Variants in SHTN1 observed in about 807,000 individuals in gnomAD.
The protein encoded by SHTN1 is shootin 1.
SHTN1 carries 42 observed loss-of-function variants against 83.1 expected under a neutral mutation model. That is an observed-to-expected ratio of 0.51 (90% confidence interval 0.39 to 0.65). SHTN1 has a LOEUF of 0.65. Ranked by LOEUF, SHTN1 falls within the 30% of genes least tolerant of loss-of-function variation. SHTN1 has a pLI of 0.00. For missense variants in SHTN1, 622 were observed against 737.8 expected (o/e 0.84, Z 1.82); for synonymous variants, 224 against 247.7 (o/e 0.90, Z 0.90).
intron 3 of SHTN1, 38 bp from the exon 4 acceptor site, chr10:116,960,268 G>A: frequency 8.6e-7 from 1 of 1,166,518 alleles, no homozygotes; most frequent in Non-Finnish European, 1.3e-6. Context: ...AGCATTCAAA[G>A]ATTAGTCAGC....
intron 2 of SHTN1, among the ~76,000 whole-genome samples, chr10:117,035,726 C>T (rs1312494174): frequency 5.3e-5 from 8 of 151,698 alleles, no homozygotes; most frequent in African/African-American, 1.5e-4. Flanking sequence ...CTGAGGTAGG[C>T]GTCAAGGTCA....
intron 1 of SHTN1, among the ~76,000 whole-genome samples, chr10:117,103,530 C>CTTTTTTTTTTT (rs35229163): frequency 1.3e-5 from 1 of 77,502 alleles, no homozygotes; most frequent in Non-Finnish European, 2.2e-5. Flanking sequence ...CCTCCCCTCT[C>CTTTTTTTTTTT]TTTTTTTTTT....
At chr10:116,897,428 G>A (rs746214899) in intron 16 of SHTN1, among the ~76,000 whole-genome samples, 8 of 152,002 alleles carry the variant, frequency 5.3e-5, no homozygotes, top group Non-Finnish European at 1.0e-4. Flanking sequence ...AAGCTGAAAG[G>A]GACTCTGTAC....
intron 1 of SHTN1, among the ~76,000 whole-genome samples, chr10:117,095,610 T>C (rs1853492473): frequency 6.6e-6 from 1 of 152,218 alleles, no homozygotes; most frequent in Admixed American, 6.5e-5. Context: ...ATGCGTACTA[T>C]TCTCTTCATC....
At chr10:117,086,360 A>G (rs1425399128) in intron 1 of SHTN1, among the ~76,000 whole-genome samples, 4 of 152,232 alleles carry the variant, frequency 2.6e-5, no homozygotes, top group Non-Finnish European at 5.9e-5. Flanking sequence ...TAGATAACAC[A>G]TAGTTGGGGT....
chr10:116,989,053 ATATAAT>A (rs1379739382), intron 1 of SHTN1, among the ~76,000 whole-genome samples: 2 of 152,184 alleles, frequency 1.3e-5, no homozygotes, highest in Admixed American at 1.3e-4. Flanking sequence ...CCAAAAATCC[ATATAAT>A]TATGTCAGTT....
rs939343604 is a variant in SHTN1 at position 117,126,532 on chromosome 10, T to C, written c.-414A>G. The C allele has an allele frequency of 3.0e-3, 167 of 55,330 alleles. 1 individual carries two copies. The highest frequency in any genetic ancestry group is 6.3e-3 in the Admixed American group (35 of 5,580). 3.4% of individuals were successfully genotyped at this position (55,330 alleles called of 1,614,324 possible). ...CCCTCGCCTCGCCTCCTAGCACGCA[T>C]GCCCCTCGCCTCGCCTCCTAGCACG... On this transcript the variant is annotated 5_prime_UTR_variant, in exon 1 of 18. Transcript: ENST00000392901.
intron 2 of SHTN1, among the ~76,000 whole-genome samples, chr10:117,041,070 G>A (rs1305939724): frequency 6.6e-6 from 1 of 151,960 alleles, no homozygotes; most frequent in East Asian, 1.9e-4. Flanking sequence ...TTAACATTAG[G>A]TATATCTCCA....
chr10:117,086,040 C>T (rs149268382), intron 1 of SHTN1, among the ~76,000 whole-genome samples: 1 of 151,684 alleles, frequency 6.6e-6, no homozygotes, highest in Non-Finnish European at 1.5e-5. Flanking sequence ...CCTGCCTCAG[C>T]CTCCTGAGTA....
At chr10:117,107,479 C>T (rs992844509) in intron 1 of SHTN1, among the ~76,000 whole-genome samples, 2 of 152,124 alleles carry the variant, frequency 1.3e-5, no homozygotes, top group Non-Finnish European at 2.9e-5. Context: ...TATCTACCCT[C>T]GCATTGTCAA....
chr10:116,973,833 T>C lies in SHTN1; in HGVS notation c.112-5121A>G, dbSNP rs771434081. On this transcript the variant is annotated intron_variant, in intron 2 of 16. Transcript: ENST00000355371. ...GATTTAAACATGCCCAGCATCAGAA[T>C]TGTGTGTACTTTACCTGTTTACCTG... 14 of 1,244,968 alleles carry C rather than the reference T, an allele frequency of 1.1e-5. 1 individual carries two copies. In the East Asian group the frequency reaches 1.7e-4, roughly 15 times the overall value. The allele number at this position is 1,244,968 out of a possible 1,614,324, so 77.1% of individuals were successfully genotyped here. A position where few individuals can be genotyped will look rare whatever the true frequency, so the allele number is the denominator to read the frequency against.
intron 1 of SHTN1, among the ~76,000 whole-genome samples, chr10:117,083,805 T>C (rs994267188): frequency 6.6e-6 from 1 of 152,196 alleles, no homozygotes; most frequent in Non-Finnish European, 1.5e-5. Context: ...TCATCTTCCA[T>C]TGCTGATACC....
At chr10:117,123,129 A>G (rs562134533) in intron 1 of SHTN1, among the ~76,000 whole-genome samples, 72 of 152,172 alleles carry the variant, frequency 4.7e-4, no homozygotes, top group Middle Eastern at 3.4e-3. Context: ...CAGCCTCCCA[A>G]GTAGTTGGGA....
At chr10:117,063,090 T>C (rs1188509976) in intron 1 of SHTN1, among the ~76,000 whole-genome samples, 2 of 152,214 alleles carry the variant, frequency 1.3e-5, no homozygotes, top group Non-Finnish European at 2.9e-5. Flanking sequence ...TTGCAATCTA[T>C]GGATTCTTTT....
chr10:117,011,505 C>T lies in SHTN1; in HGVS notation c.-122-32197G>A, dbSNP rs77525972. The stretch of plus-strand genomic sequence containing the variant: ...CTCTATTCATAGATGGCAAAATTTC[C>T]TATGTGGAAAATACCAAAGAATTTC... On this transcript the variant is annotated intron_variant, in intron 2 of 17. Transcript: ENST00000392901. Among the ~76,000 whole-genome samples the T allele has an allele frequency of 4.7e-3, 720 of 152,178 alleles. 6 individuals carry two copies. Among genetic ancestry groups the T allele is most frequent in the African/African-American group, 0.017 (692 of 41,506 alleles).
At chr10:117,034,713 TA>T (rs980788017) in intron 2 of SHTN1, among the ~76,000 whole-genome samples, 9 of 149,882 alleles carry the variant, frequency 6.0e-5, no homozygotes, top group African/African-American at 2.2e-4. Flanking sequence ...TTAAGAGAAA[TA>T]AAAAAGTAAT....
chr10:117,085,616 A>G (rs1316911770), intron 1 of SHTN1, among the ~76,000 whole-genome samples: 1 of 152,190 alleles, frequency 6.6e-6, no homozygotes, highest in Non-Finnish European at 1.5e-5. Flanking sequence ...GTATTCTATA[A>G]ATGTCAATTA....
chr10:116,912,240 T>TAGAAAC (rs1248745105), intron 13 of SHTN1, among the ~76,000 whole-genome samples: 1 of 152,184 alleles, frequency 6.6e-6, no homozygotes, highest in Non-Finnish European at 1.5e-5. Flanking sequence ...AAGCAGAGAC[T>TAGAAAC]AGAAACAAGG....
rs140081747 is a variant in SHTN1 at position 116,941,309 on chromosome 10, G to A, written c.712-697C>T. Among the ~76,000 whole-genome samples the A allele has an allele frequency of 5.5e-4, 84 of 152,310 alleles. 2 individuals carry two copies. The East Asian group carries it at 0.013, about 23-fold the overall frequency. On this transcript the variant is annotated intron_variant, in intron 8 of 16. Transcript: ENST00000355371. ...TAGTTTCTCCCTAGTGATAAAAGTAGTTAACAGTAGAAGGGTAAAGGGGAG... is the reference window on the plus strand; with the variant it reads ...TAGTTTCTCCCTAGTGATAAAAGTAATTAACAGTAGAAGGGTAAAGGGGAG...
Sources: allele counts gnomAD v4.1 joint callset (sites outside exome capture counted in the v4.1 genomes callset), GRCh38; gene constraint gnomAD v4.1.1; transcripts MANE v1.5; gene names NCBI Gene and HGNC (gene_info 2026-07-23, HGNC 2026-07-21).